Variants in RTL8B observed in about 807,000 individuals in gnomAD.
RTL8B encodes the protein retrotransposon Gag-like protein 8B.
In RTL8B, 5 loss-of-function variants were observed where a neutral mutation model predicts 4.4. The ratio of observed to expected loss-of-function variants is 1.13; its 90% confidence interval spans 0.59 to 2.37. The LOEUF is 2.37. RTL8B is among the 30% of genes most tolerant of loss of function. RTL8B has a pLI of 0.01. For missense variants in RTL8B, 82 were observed against 99.2 expected, an observed-to-expected ratio of 0.83 and a Z score of 0.74; for synonymous variants, 31 against 44.2, an observed-to-expected ratio of 0.70 and a Z score of 1.19.
Position 135,022,303 on chromosome X carries a change from C to A in RTL8B, c.157G>T (p.Val53Leu). The A allele has an allele frequency of 8.3e-7, 1 of 1,211,994 alleles. No homozygotes were observed. Residue 53 changes from valine (V) to leucine (L), a missense_variant, in exon 1 of 1, where the codon GTG becomes TTG. Coordinates refer to ENST00000391440, the MANE Select transcript of RTL8B (RefSeq NM_001078173.2). Reference sequence around the variant, plus strand: ...TCGTTGGAGAACGTGTTCTCGTCCACGAACATGTAGGAGCTCGTCTGCACG... The same window carrying A: ...TCGTTGGAGAACGTGTTCTCGTCCAAGAACATGTAGGAGCTCGTCTGCACG... ...FIVQTSSYMF[V>L]DENTFSNDAL...
chrX:135,021,126 A>T lies in RTL8B; in HGVS notation c.*992T>A, dbSNP rs2083265309. ...GGACAGAAGGATCACCAGTGGGGAC[A>T]CTATCCCCCAGGTTACCACAGGACT... On this transcript the variant is annotated 3_prime_UTR_variant, in exon 1 of 1. Coordinates refer to ENST00000391440, the MANE Select transcript of RTL8B (RefSeq NM_001078173.2). 1 of 143,895 alleles carries T rather than the reference A, an allele frequency of 6.9e-6. No homozygotes were observed. Among genetic ancestry groups the T allele is most frequent in the African/African-American group, 3.2e-5 (1 of 31,591 alleles). 11.9% of individuals were successfully genotyped at this position (143,895 alleles called of 1,213,427 possible).
rs1181493492 is a variant in RTL8B, at chrX:135,021,455, A to G, written c.*663T>C. 3.3e-6 allele frequency: 1 copy of G among 299,463 alleles called. No individual in the cohort carries two copies. The highest frequency in any genetic ancestry group is 2.8e-5 in the African/African-American group (1 of 35,771). 24.7% of individuals were successfully genotyped at this position (299,463 alleles called of 1,213,427 possible). A position where few individuals can be genotyped will look rare whatever the true frequency, so the allele number is the denominator to read the frequency against. Reference sequence around the variant, plus strand: ...TTCTGGGCAAAACTAACTGGTCCACAAGAGAAAATGAGAGACTCGATTTGG... The same window carrying G: ...TTCTGGGCAAAACTAACTGGTCCACGAGAGAAAATGAGAGACTCGATTTGG... On this transcript the variant is annotated 3_prime_UTR_variant, in exon 1 of 1. Coordinates refer to ENST00000391440, the MANE Select transcript of RTL8B (RefSeq NM_001078173.2).
At position 135,022,362 on chromosome X, in the gene RTL8B, A is replaced by G. The variant is rs2083270544; in HGVS notation, c.98T>C (p.Phe33Ser). Residue 33 changes from phenylalanine (F) to serine (S), a missense_variant, in exon 1 of 1, where the codon TTT (phenylalanine) becomes TCT (serine). Physicochemically the swap from Phe to Ser is radical, Grantham distance 155. Transcript: ENST00000391440. Reference protein sequence around the residue: ...WRNPIPFPETFDGDTDRLPEF... With the variant: ...WRNPIPFPETSDGDTDRLPEF... ...CGGGAGCCGGTCGGTATCGCCATCA[A>G]ACGTCTCGGGAAAGGGAATCGGGTT... 2.5e-6 allele frequency: 3 copies of G among 1,210,564 alleles called. No individual in the cohort carries two copies. Among genetic ancestry groups the G allele is most frequent in the Admixed American group, 2.2e-5 (1 of 45,997 alleles).
rs765260434 is a variant in RTL8B at position 135,022,415 on chromosome X, G to A, written c.45C>T (p.Pro15=). Residue 15 remains proline (P), a synonymous_variant, in exon 1 of 1, where the codon CCC becomes CCT. Transcript: ENST00000391440. ...TCCAGCGACGCGCCGCGGGCCGGAGGGGCCGAGCCAGGAGGGCCTTCATCA... is the reference window on the plus strand; with the variant it reads ...TCCAGCGACGCGCCGCGGGCCGGAGAGGCCGAGCCAGGAGGGCCTTCATCA... ...VQLMKALLAR[P]LRPAARRWRN... 8 of 1,211,066 alleles carry A rather than the reference G, an allele frequency of 6.6e-6. No homozygotes were observed. Among genetic ancestry groups the A allele is most frequent in the Admixed American group, 4.3e-5 (2 of 46,024 alleles).
rs758692306 is a variant in RTL8B at position 135,022,306 on chromosome X, A to T, written c.154T>A (p.Phe52Ile). 4.5e-5 allele frequency: 54 copies of T among 1,210,556 alleles called. No individual in the cohort carries two copies. In the South Asian group the frequency reaches 8.6e-4, roughly 19 times the overall value. The stretch of plus-strand genomic sequence containing the variant: ...TTGGAGAACGTGTTCTCGTCCACGA[A>T]CATGTAGGAGCTCGTCTGCACGATG... ...EFIVQTSSYM[F>I]VDENTFSNDA... Residue 52 changes from phenylalanine to isoleucine, a missense_variant, in exon 1 of 1, where the codon TTC (phenylalanine) becomes ATC (isoleucine). Phe to Ile is a conservative substitution (Grantham distance 21). Transcript: ENST00000391440.
rs1320190273 is a variant in RTL8B at position 135,020,910 on chromosome X, A to G, written c.*1208T>C. 8.9e-6 allele frequency: 1 copy of G among 112,479 alleles called. No individual in the cohort carries two copies. Among genetic ancestry groups the G allele is most frequent in the African/African-American group, 3.2e-5 (1 of 30,907 alleles). The allele number at this position is 112,479 out of a possible 1,213,427, so 9.3% of individuals were successfully genotyped here. Reference sequence around the variant, plus strand: ...AGTAAAATTTTACAGCTGTTCACCAATAATCTGTGTGGGATTTATGGTTTG... The same window carrying G: ...AGTAAAATTTTACAGCTGTTCACCAGTAATCTGTGTGGGATTTATGGTTTG... On this transcript the variant is annotated 3_prime_UTR_variant, in exon 1 of 1. Transcript: ENST00000391440.
rs138538562 is a variant in RTL8B at position 135,020,946 on chromosome X, G to A, written c.*1172C>T. On this transcript the variant is annotated 3_prime_UTR_variant, in exon 1 of 1. Coordinates refer to ENST00000391440, the MANE Select transcript of RTL8B (RefSeq NM_001078173.2). The stretch of plus-strand genomic sequence containing the variant: ...GGGATTTATGGTTTGTAACAATTTG[G>A]GAATTGTGTTTTCAAACCACTTTCT... 0.011 allele frequency: 1,230 copies of A among 112,642 alleles called. 4 individuals are homozygous for A. Among genetic ancestry groups the A allele is most frequent in the Non-Finnish European group, 0.017 (926 of 53,470 alleles). 9.3% of individuals were successfully genotyped at this position (112,642 alleles called of 1,213,427 possible).
At position 135,022,437 on chromosome X, in the gene RTL8B, A is replaced by C. The variant is rs968089113; in HGVS notation, c.23T>G (p.Met8Arg). Residue 8 changes from methionine (M) to arginine (R), a missense_variant, in exon 1 of 1, where the codon ATG becomes AGG. Physicochemically the swap from Met to Arg is moderately conservative, Grantham distance 91 (BLOSUM62 -1). Coordinates refer to ENST00000391440, the MANE Select transcript of RTL8B (RefSeq NM_001078173.2). ...GAGGGGCCGAGCCAGGAGGGCCTTCATCAGCTGCACTCGACCTTCCATCGC... is the reference window on the plus strand; with the variant it reads ...GAGGGGCCGAGCCAGGAGGGCCTTCCTCAGCTGCACTCGACCTTCCATCGC... MEGRVQL[M>R]KALLARPLRP... The C allele has an allele frequency of 3.3e-6, 4 of 1,211,620 alleles. No individual in the cohort carries two copies. Among genetic ancestry groups the C allele is most frequent in the Non-Finnish European group, 4.5e-6 (4 of 895,222 alleles).
rs764336023 is a variant in RTL8B at position 135,021,869 on chromosome X, AG to A, written c.*248del. The A allele has an allele frequency of 1.3e-5, 15 of 1,150,200 alleles. No individual in the cohort carries two copies. Among genetic ancestry groups the A allele is most frequent in the Non-Finnish European group, 1.7e-5 (15 of 864,734 alleles). 94.8% of individuals were successfully genotyped at this position (1,150,200 alleles called of 1,213,427 possible). A position where few individuals can be genotyped will look rare whatever the true frequency, so the allele number is the denominator to read the frequency against. ...GTCCAAATGTGCATGGGAGGGGCTGAGCTGGCACGAGAGGGCGGAGGCAGCC... is the reference window on the plus strand; with the variant it reads ...GTCCAAATGTGCATGGGAGGGGCTGACTGGCACGAGAGGGCGGAGGCAGCC... On this transcript the variant is annotated 3_prime_UTR_variant, in exon 1 of 1. Transcript: ENST00000391440.
Position 135,021,511 on chromosome X carries a change from T to C in RTL8B, c.*607A>G. On this transcript the variant is annotated 3_prime_UTR_variant, in exon 1 of 1. Coordinates refer to ENST00000391440, the MANE Select transcript of RTL8B (RefSeq NM_001078173.2). The stretch of plus-strand genomic sequence containing the variant: ...AGGCACAACTGAGCCCTGGCAGCCA[T>C]GTGGCAGGAGCACAAAAAGTCTCTG... 1 of 434,116 alleles carries C rather than the reference T, an allele frequency of 2.3e-6. No individual in the cohort carries two copies. Among genetic ancestry groups the C allele is most frequent in the Non-Finnish European group, 3.9e-6 (1 of 255,713 alleles). The allele number at this position is 434,116 out of a possible 1,213,427, so 35.8% of individuals were successfully genotyped here.
Position 135,021,560 on chromosome X carries a change from G to T in RTL8B, c.*558C>A. The T allele has an allele frequency of 1.4e-6, 1 of 723,443 alleles. No individual in the cohort carries two copies. Among genetic ancestry groups the T allele is most frequent in the Non-Finnish European group, 1.9e-6 (1 of 518,875 alleles). 59.6% of individuals were successfully genotyped at this position (723,443 alleles called of 1,213,427 possible). A position where few individuals can be genotyped will look rare whatever the true frequency, so the allele number is the denominator to read the frequency against. ...TGGGATTGGGGAGGAAATGGGTCTC[G>T]CTGAAGGTAACAGGTCCCTTGAGGG... On this transcript the variant is annotated 3_prime_UTR_variant, in exon 1 of 1. Coordinates refer to ENST00000391440, the MANE Select transcript of RTL8B (RefSeq NM_001078173.2).
rs1192520458 is a variant in RTL8B at position 135,021,926 on chromosome X, A to G, written c.*192T>C. On this transcript the variant is annotated 3_prime_UTR_variant, in exon 1 of 1. Coordinates refer to ENST00000391440, the MANE Select transcript of RTL8B (RefSeq NM_001078173.2). Reference sequence around the variant, plus strand: ...CAGAGTGAGGCCCAGGGGCGGCAGCAGGAGCCTGGAGCGCTATTCCTGGAA... The same window carrying G: ...CAGAGTGAGGCCCAGGGGCGGCAGCGGGAGCCTGGAGCGCTATTCCTGGAA... 1.7e-6 allele frequency: 2 copies of G among 1,153,991 alleles called. No homozygotes were observed. The highest frequency in any genetic ancestry group is 1.8e-5 in the African/African-American group (1 of 56,170).
rs775145216 is a variant in RTL8B, at chrX:135,022,030, G to C, written c.*88C>G. Reference sequence around the variant, plus strand: ...CTCGAGGGGGAGGGAGGCGCGGAGGGAGGGCGCCGGTGGCGACCCTGGCGG... The same window carrying C: ...CTCGAGGGGGAGGGAGGCGCGGAGGCAGGGCGCCGGTGGCGACCCTGGCGG... On this transcript the variant is annotated 3_prime_UTR_variant, in exon 1 of 1. Transcript: ENST00000391440. 1.3e-4 allele frequency: 153 copies of C among 1,187,853 alleles called. No individual in the cohort carries two copies. The Middle Eastern group carries it at 1.7e-3, about 13-fold the overall frequency.
rs751167456 is a variant in RTL8B at position 135,021,540 on chromosome X, T to C, written c.*578A>G. The stretch of plus-strand genomic sequence containing the variant: ...GCAGGAGCACAAAAAGTCTCTGGGA[T>C]TGGGGAGGAAATGGGTCTCGCTGAA... On this transcript the variant is annotated 3_prime_UTR_variant, in exon 1 of 1. Transcript: ENST00000391440. The C allele has an allele frequency of 1.2e-5, 7 of 574,178 alleles. No homozygotes were observed. In the African/African-American group the frequency reaches 1.4e-4, roughly 12 times the overall value. 47.3% of individuals were successfully genotyped at this position (574,178 alleles called of 1,213,427 possible).
In RTL8B at chrX:135,021,788, T is replaced by C. The variant is rs1448918401; in HGVS notation, c.*330A>G. On this transcript the variant is annotated 3_prime_UTR_variant, in exon 1 of 1. Coordinates refer to ENST00000391440, the MANE Select transcript of RTL8B (RefSeq NM_001078173.2). ...GGGGGTTGGCAGCGGCGGCTGTCAG[T>C]GGTCTGTCAGTGTGTAACAGGAGCT... The C allele has an allele frequency of 9.2e-7, 1 of 1,081,768 alleles. No homozygotes were observed. Among genetic ancestry groups the C allele is most frequent in the Non-Finnish European group, 1.2e-6 (1 of 818,898 alleles). The allele number at this position is 1,081,768 out of a possible 1,213,427, so 89.1% of individuals were successfully genotyped here. A position where few individuals can be genotyped will look rare whatever the true frequency, so the allele number is the denominator to read the frequency against.
rs757189119 is a variant in RTL8B at position 135,022,426 on chromosome X, G to A, written c.34C>T (p.Leu12=). The A allele has an allele frequency of 6.6e-6, 8 of 1,212,125 alleles. No homozygotes were observed. The highest frequency in any genetic ancestry group is 8.9e-6 in the Non-Finnish European group (8 of 895,473). Residue 12 remains leucine (L), a synonymous_variant, in exon 1 of 1, where the codon CTG becomes TTG. Coordinates refer to ENST00000391440, the MANE Select transcript of RTL8B (RefSeq NM_001078173.2). ...EGRVQLMKAL[L]ARPLRPAARR... The stretch of plus-strand genomic sequence containing the variant: ...GCCGCGGGCCGGAGGGGCCGAGCCA[G>A]GAGGGCCTTCATCAGCTGCACTCGA...
At position 135,021,601 on chromosome X, in the gene RTL8B, G is replaced by A. The variant is rs993592045; in HGVS notation, c.*517C>T. ...CCCTTGAGGGGCAGCCAGCTGTCTG[G>A]ATCATTGTCCAGGGGCTGTGTCCAG... On this transcript the variant is annotated 3_prime_UTR_variant, in exon 1 of 1. Coordinates refer to ENST00000391440, the MANE Select transcript of RTL8B (RefSeq NM_001078173.2). 1.6e-5 allele frequency: 15 copies of A among 926,077 alleles called. No homozygotes were observed. Among genetic ancestry groups the A allele is most frequent in the Non-Finnish European group, 1.7e-5 (12 of 704,492 alleles). The allele number at this position is 926,077 out of a possible 1,213,427, so 76.3% of individuals were successfully genotyped here.
rs759505433 is a variant in RTL8B at position 135,021,489 on chromosome X, C to A, written c.*629G>T. On this transcript the variant is annotated 3_prime_UTR_variant, in exon 1 of 1. Transcript: ENST00000391440. ...TGAGAGACTCGATTTGGCTGCCAGG[C>A]ACAACTGAGCCCTGGCAGCCATGTG... is the stretch of plus-strand genomic sequence containing the variant. The A allele has an allele frequency of 2.8e-6, 1 of 354,182 alleles. No individual in the cohort carries two copies. The highest frequency in any genetic ancestry group is 5.3e-6 in the Non-Finnish European group (1 of 188,651). 29.2% of individuals were successfully genotyped at this position (354,182 alleles called of 1,213,427 possible).
rs767729119 is a variant in RTL8B, at chrX:135,022,298, G to T, written c.162C>A (p.Asp54Glu). ...IVQTSSYMFVDENTFSNDALK... is the reference protein window; with the variant it reads ...IVQTSSYMFVEENTFSNDALK... ...GGGCGTCGTTGGAGAACGTGTTCTCGTCCACGAACATGTAGGAGCTCGTCT... is the reference window on the plus strand; with the variant it reads ...GGGCGTCGTTGGAGAACGTGTTCTCTTCCACGAACATGTAGGAGCTCGTCT... The change falls in exon 1 of 1, where the codon GAC becomes GAA. Residue 54 changes from aspartate (D) to glutamate (E), a missense_variant. By Grantham distance (45) the Asp-to-Glu change is conservative. Transcript: ENST00000391440. The T allele has an allele frequency of 3.3e-6, 4 of 1,212,056 alleles. No individual in the cohort carries two copies. In the Admixed American group the frequency reaches 8.7e-5, roughly 26 times the overall value.
Sources: allele counts gnomAD v4.1 joint callset, GRCh38; gene constraint gnomAD v4.1.1; transcripts MANE v1.5; gene names NCBI Gene and HGNC (gene_info 2026-07-23, HGNC 2026-07-21).